The following CASP5 variants were observed in gnomAD, a reference collection of about 807,000 sequenced individuals.
CASP5 encodes the protein caspase-5.
In CASP5, 42 loss-of-function variants were observed where a neutral mutation model predicts 45.2. The observed-to-expected ratio is 0.93, with a 90% CI of 0.73 to 1.20. The LOEUF (loss-of-function observed/expected upper bound fraction) is 1.20, where lower values mean the gene tolerates loss of function less well. CASP5 is among the 50% of genes most tolerant of loss of function. The pLI is 0.00. For missense variants in CASP5, 512 were observed against 532.2 expected (o/e 0.96, Z 0.37); for synonymous variants, 209 against 186.2 (o/e 1.12, Z -1.00).
rs1342121664 is a variant in CASP5, at chr11:105,011,301, AG to A, written c.8-2322del. Among the ~76,000 whole-genome samples the A allele has an allele frequency of 5.9e-5, 9 of 151,944 alleles. No individual in the cohort carries two copies. The East Asian group carries it at 1.7e-3, about 29-fold the overall frequency. On this transcript the variant is annotated intron_variant, in intron 1 of 9. Coordinates refer to ENST00000260315, the MANE Select transcript of CASP5 (RefSeq NM_004347.5). ...CATGTGAAAAGCAATTAACCTAAAGAGGTTTACAACACAATAAATGCCACTT... is the reference window on the plus strand; with the variant it reads ...CATGTGAAAAGCAATTAACCTAAAGAGTTTACAACACAATAAATGCCACTT...
intron 1 of CASP5, among the ~76,000 whole-genome samples, chr11:105,019,772 T>C (rs1465566332): frequency 1.4e-5 from 2 of 144,148 alleles, no homozygotes; most frequent in Non-Finnish European, 3.1e-5. Flanking sequence ...TTCCAATCAA[T>C]AGAAAAAGAG....
At chr11:105,013,933 T>C (rs1273588302) in intron 1 of CASP5, among the ~76,000 whole-genome samples, 1 of 152,176 alleles carries the variant, frequency 6.6e-6, no homozygotes, top group African/African-American at 2.4e-5. Flanking sequence ...ATTGATTTTA[T>C]TTACTAAACA....
intron 8 of CASP5, 66 bp downstream of exon 8, chr11:104,997,317 A>T: frequency 8.9e-7 from 1 of 1,120,476 alleles, no homozygotes; most frequent in Non-Finnish European, 1.4e-6. Flanking sequence ...TTATTCGATT[A>T]GTGAATAATG....
chr11:105,020,785 C>A (rs1451422825), intron 1 of CASP5, among the ~76,000 whole-genome samples: 1 of 152,150 alleles, frequency 6.6e-6, no homozygotes, highest in Non-Finnish European at 1.5e-5. Flanking sequence ...CAATGACTTT[C>A]TTCACAGAAT....
rs144397972 is a variant in CASP5 at position 105,001,404 on chromosome 11, C to T, written c.717+624G>A. On this transcript the variant is annotated intron_variant, in intron 5 of 9. Coordinates refer to ENST00000260315, the MANE Select transcript of CASP5 (RefSeq NM_004347.5). ...TTCCTGGGCCGGGTGCGGTGGCTCACGCCTGTAATTCCAGCACTTTGGGAG... is the reference window on the plus strand; with the variant it reads ...TTCCTGGGCCGGGTGCGGTGGCTCATGCCTGTAATTCCAGCACTTTGGGAG... Among the ~76,000 whole-genome samples the T allele has an allele frequency of 2.9e-3, 435 of 152,296 alleles. 13 individuals are homozygous for T. In the East Asian group the frequency reaches 0.073, roughly 26 times the overall value.
intron 1 of CASP5, among the ~76,000 whole-genome samples, chr11:105,014,464 T>C (rs771658317): frequency 1.4e-4 from 22 of 152,176 alleles, no homozygotes; most frequent in Non-Finnish European, 2.4e-4. Flanking sequence ...TCTGTGAGGA[T>C]AGGTGGCCAT....
At chr11:105,001,391 G>A (rs914599835) in intron 5 of CASP5, among the ~76,000 whole-genome samples, 1 of 152,212 alleles carries the variant, frequency 6.6e-6, no homozygotes, top group Non-Finnish European at 1.5e-5. Context: ...CCTGGGCCGG[G>A]TGCGGTGGCT....
intron 3 of CASP5, 134 bp from the exon 4 acceptor site, chr11:105,003,517 T>C: frequency 1.9e-6 from 1 of 531,200 alleles, no homozygotes; most frequent in Non-Finnish European, 3.3e-6. Flanking sequence ...TAGCTGTACC[T>C]AATTTCCAGC....
chr11:105,014,088 C>G (rs932106785), intron 1 of CASP5, among the ~76,000 whole-genome samples: 5 of 152,094 alleles, frequency 3.3e-5, no homozygotes, highest in African/African-American at 1.2e-4. Flanking sequence ...AAGAGTGTTC[C>G]TATATCTAGA....
At chr11:105,009,039 G>A (rs1862145089) in intron 1 of CASP5, 59 bp from the exon 2 acceptor site, 6 of 1,516,924 alleles carry the variant, frequency 4.0e-6, no homozygotes, top group Non-Finnish European at 5.4e-6. Flanking sequence ...TTTTGCCCTT[G>A]CTTTAGACAA....
At chr11:105,006,315 C>T (rs534449879) in intron 3 of CASP5, among the ~76,000 whole-genome samples, 1 of 152,278 alleles carries the variant, frequency 6.6e-6, no homozygotes, top group African/African-American at 2.4e-5. Context: ...CTCTTTATTG[C>T]ATGCGTATAC....
rs1317929400 is a variant in CASP5, at chr11:104,998,996, G to C, written c.985C>G (p.Pro329Ala). ...GAAGAGATGAGTGCCAAGGATGCTG[G>C]AGAGTCTCTGACCCAGAGTTCCCCA... ...KHGELWVRDSPASLALISSQS... is the reference protein window; with the variant it reads ...KHGELWVRDSAASLALISSQS... Residue 329 changes from proline (P) to alanine (A), a missense_variant, in exon 7 of 10, where the codon CCA (proline) becomes GCA (alanine). Physicochemically the swap from Pro to Ala is conservative, Grantham distance 27 (BLOSUM62 -1). Transcript: ENST00000260315. 6.2e-7 allele frequency: 1 copy of C among 1,612,996 alleles called. No individual in the cohort carries two copies. The highest frequency in any genetic ancestry group is 8.5e-7 in the Non-Finnish European group (1 of 1,179,588).
intron 1 of CASP5, among the ~76,000 whole-genome samples, chr11:105,016,847 G>C (rs562372396): frequency 6.6e-6 from 1 of 151,522 alleles, no homozygotes; most frequent in South Asian, 2.1e-4. Flanking sequence ...TCCACCTCTG[G>C]GGGCAGGGCA....
In CASP5 at chr11:104,999,470, G is replaced by T. The variant is rs767168033; in HGVS notation, c.953-442C>A. On this transcript the variant is annotated intron_variant, in intron 6 of 9. Transcript: ENST00000260315. Reference sequence around the variant, plus strand: ...GTCTATCTATCATTGATGGACATTTGGGTTGGATCAAGAGACATCAACTTT... The same window carrying T: ...GTCTATCTATCATTGATGGACATTTTGGTTGGATCAAGAGACATCAACTTT... Among the ~76,000 whole-genome samples the T allele has an allele frequency of 2.6e-5, 4 of 152,058 alleles. No homozygotes were observed. The East Asian group carries it at 7.7e-4, about 29-fold the overall frequency.
intron 3 of CASP5, 84 bp downstream of exon 3, chr11:105,006,999 G>C: frequency 8.9e-7 from 1 of 1,118,604 alleles, no homozygotes; most frequent in Non-Finnish European, 1.3e-6. Context: ...ACTGTAGGTA[G>C]ATCACAGATA....
intron 3 of CASP5, 136 bp downstream of exon 3, chr11:105,006,947 G>T: frequency 2.5e-6 from 2 of 807,888 alleles, no homozygotes; most frequent in Non-Finnish European, 4.0e-6. Flanking sequence ...GTCTCTAACA[G>T]GATGATGACA....
At chr11:105,009,898 C>CAT (rs573531375) in intron 1 of CASP5, among the ~76,000 whole-genome samples, 20 of 133,116 alleles carry the variant, frequency 1.5e-4, no homozygotes, top group African/African-American at 5.8e-4. Context: ...CACATATATA[C>CAT]ATATATATAC....
Position 105,000,321 on chromosome 11 carries a change from G to T in CASP5, c.892C>A (p.Arg298Ser), listed in dbSNP as rs1042839354. 1 of 1,614,056 alleles carries T rather than the reference G, an allele frequency of 6.2e-7. No homozygotes were observed. Among genetic ancestry groups the T allele is most frequent in the Non-Finnish European group, 8.5e-7 (1 of 1,180,040 alleles). Residue 298 changes from arginine to serine, a missense_variant, in exon 6 of 10, where the codon CGC (arginine) becomes AGC (serine). Coordinates refer to ENST00000260315, the MANE Select transcript of CASP5 (RefSeq NM_004347.5). ...TTGTCCTTTAGACTGAGGCAGTTGC[G>T]GTTGTTGAATATCTGGAAGATGGTG... ...YDTIFQIFNN[R>S]NCLSLKDKPK... is the part of the protein sequence containing the mutation.
At position 105,007,162 on chromosome 11, in the gene CASP5, A is replaced by G. The variant is rs758035515; in HGVS notation, c.354T>C (p.Ser118=). 7 of 1,613,760 alleles carry G rather than the reference A, an allele frequency of 4.3e-6. No individual in the cohort carries two copies. ...GATGAGCCACGCGATTCTTTCGCAA[A>G]GAGTCTACCAAGATCAGGGCCTTGT... ...IEDKALILVD[S]LRKNRVAHQM... The change falls in exon 3 of 10, where the codon TCT becomes TCC. Residue 118 remains serine, a synonymous_variant. Transcript: ENST00000260315.
Sources: gnomAD v4.1 joint callset for allele counts (sites outside exome capture counted in the v4.1 genomes callset) on GRCh38, gnomAD v4.1.1 for gene constraint, MANE v1.5 for transcripts, NCBI Gene and HGNC (gene_info 2026-07-23, HGNC 2026-07-21) for gene names.